Variants in EPB41L2 observed in about 807,000 individuals in gnomAD.
EPB41L2 encodes band 4.1-like protein 2.
Under a neutral mutation model 113.0 loss-of-function variants are expected in EPB41L2, and 43 were observed. The observed-to-expected ratio is 0.38, with a 90% confidence interval of 0.30 to 0.49. The LOEUF (loss-of-function observed/expected upper bound fraction) is 0.49. EPB41L2 is among the 20% of genes least tolerant of loss of function. The pLI is 0.95. For missense variants in EPB41L2, 1,147 were observed against 1,223.4 expected (o/e 0.94, Z 0.93); for synonymous variants, 442 against 436.7 (o/e 1.01, Z -0.15).
At chr6:130,932,961 T>C (rs1393722069) in intron 3 of EPB41L2, among the ~76,000 whole-genome samples, 1 of 152,236 alleles carries the variant, frequency 6.6e-6, no homozygotes, top group African/African-American at 2.4e-5. Context: ...CACTGCCAAC[T>C]AGTTTCTGGG....
intron 4 of EPB41L2, among the ~76,000 whole-genome samples, chr6:130,913,177 A>C (rs929160605): frequency 6.6e-6 from 1 of 152,242 alleles, no homozygotes; most frequent in African/African-American, 2.4e-5. Context: ...GGTAAGAGTC[A>C]GCTCTATAAA....
chr6:130,862,030 G>A (rs1292342064), intron 18 of EPB41L2, among the ~76,000 whole-genome samples: 4 of 152,156 alleles, frequency 2.6e-5, no homozygotes, highest in African/African-American at 9.7e-5. Flanking sequence ...CAGCAGTTAA[G>A]GCTGCTGGGT....
At chr6:130,874,869 T>A (rs932054853) in intron 14 of EPB41L2, among the ~76,000 whole-genome samples, 1 of 152,220 alleles carries the variant, frequency 6.6e-6, no homozygotes, top group African/African-American at 2.4e-5. Flanking sequence ...CAAAGTTTCC[T>A]ACTGCAAAAA....
At chr6:130,951,115 G>A (rs1447657501) in intron 3 of EPB41L2, among the ~76,000 whole-genome samples, 4 of 151,700 alleles carry the variant, frequency 2.6e-5, no homozygotes, top group Admixed American at 2.6e-4. Context: ...AAATTAGCCA[G>A]GCATGGTGGC....
rs141119547 is a variant in EPB41L2, at chr6:131,025,984, C to G, written c.-15+37171G>C. ...AAAGTCACCTAAAAAAAATACCAAA[C>G]AGCCCCCAGGTCACTGAGGCTAAAG... On this transcript the variant is annotated intron_variant, in intron 1 of 19. Coordinates refer to ENST00000337057, the MANE Select transcript of EPB41L2 (RefSeq NM_001431.4). 8.8e-3 allele frequency among the ~76,000 whole-genome samples: 1,337 copies of G among 152,246 alleles called. 16 individuals carry two copies. Among genetic ancestry groups the G allele is most frequent in the African/African-American group, 0.03 (1,262 of 41,544 alleles).
chr6:131,061,264 A>C lies in EPB41L2; in HGVS notation c.-15+1891T>G, dbSNP rs113191700. On this transcript the variant is annotated intron_variant, in intron 1 of 19. Transcript: ENST00000337057. The stretch of plus-strand genomic sequence containing the variant: ...AAGACCACTACTGACTTCAGTGGGA[A>C]TTCTGCCCAAGAAGTGAGGAAGACA... 7.4e-3 allele frequency among the ~76,000 whole-genome samples: 1,124 copies of C among 152,358 alleles called. 7 individuals carry two copies. The highest frequency in any genetic ancestry group is 0.011 in the Non-Finnish European group (718 of 68,038).
chr6:130,886,621 T>TTTG (rs57191069), intron 11 of EPB41L2, among the ~76,000 whole-genome samples: 16,551 of 136,176 alleles, frequency 0.12, 2,165 homozygotes, highest in African/African-American at 0.32. Context: ...TCCAGCGGTT[T>TTTG]TTGTTGTTGT....
At chr6:130,993,300 G>A (rs559024486) in intron 1 of EPB41L2, among the ~76,000 whole-genome samples, 17 of 152,250 alleles carry the variant, frequency 1.1e-4, no homozygotes, top group African/African-American at 3.6e-4. Flanking sequence ...AGAGAAATAT[G>A]AAATGAGGCT....
intron 1 of EPB41L2, among the ~76,000 whole-genome samples, chr6:131,021,949 C>T (rs868064101): frequency 3.3e-5 from 5 of 151,954 alleles, no homozygotes; most frequent in Non-Finnish European, 7.4e-5. Flanking sequence ...AGACCAGGGC[C>T]GGGGGATGGT....
intron 11 of EPB41L2, 135 bp downstream of exon 11, chr6:130,890,159 A>G: frequency 1.2e-6 from 1 of 859,480 alleles, no homozygotes; most frequent in Non-Finnish European, 1.7e-6. Flanking sequence ...AAGTAATAGC[A>G]TTTTATTTAC....
intron 1 of EPB41L2, among the ~76,000 whole-genome samples, chr6:131,027,581 C>T (rs1456498893): frequency 2.6e-5 from 4 of 152,212 alleles, no homozygotes; most frequent in Non-Finnish European, 4.4e-5. Flanking sequence ...ATGCTTAATG[C>T]AGCCAATGAT....
At chr6:130,898,520 G>C (rs778209852) in intron 8 of EPB41L2, among the ~76,000 whole-genome samples, 8 of 151,946 alleles carry the variant, frequency 5.3e-5, no homozygotes, top group Admixed American at 2.0e-4. Context: ...CATTCTCCTC[G>C]ACTCTCCCCA....
intron 19 of EPB41L2, among the ~76,000 whole-genome samples, chr6:130,850,645 T>G (rs891918340): frequency 1.3e-5 from 2 of 152,210 alleles, no homozygotes; most frequent in African/African-American, 4.8e-5. Context: ...ATGGGACTTA[T>G]GGGTCACTGA....
intron 1 of EPB41L2, among the ~76,000 whole-genome samples, chr6:130,990,089 G>GGCA (rs1455437661): frequency 6.6e-6 from 1 of 152,192 alleles, no homozygotes; most frequent in African/African-American, 2.4e-5. Flanking sequence ...GGGAGGCCAA[G>GGCA]GCAGGTGGAT....
intron 4 of EPB41L2, among the ~76,000 whole-genome samples, chr6:130,909,331 C>T (rs1401373741): frequency 6.6e-6 from 1 of 150,686 alleles, no homozygotes; most frequent in Non-Finnish European, 1.5e-5. Context: ...CTAAAACGAA[C>T]TACTCCTCCT....
At chr6:130,967,381 G>A (rs557071915) in intron 1 of EPB41L2, among the ~76,000 whole-genome samples, 47 of 152,198 alleles carry the variant, frequency 3.1e-4, no homozygotes, top group Admixed American at 1.2e-3. Flanking sequence ...CTGAGAAAAC[G>A]TTGCTTGTTT....
intron 8 of EPB41L2, among the ~76,000 whole-genome samples, chr6:130,899,225 A>G (rs1795573764): frequency 6.6e-6 from 1 of 152,106 alleles, no homozygotes; most frequent in East Asian, 1.9e-4. Context: ...TGAAAAAAAA[A>G]AGGCTGACAA....
intron 4 of EPB41L2, among the ~76,000 whole-genome samples, chr6:130,913,309 A>G (rs1354487983): frequency 6.6e-6 from 1 of 152,180 alleles, no homozygotes; most frequent in East Asian, 1.9e-4. Context: ...TCAACCATCC[A>G]AAGACTAAGT....
chr6:130,843,397 A>T (rs1201000038), intron 19 of EPB41L2, among the ~76,000 whole-genome samples: 1 of 152,234 alleles, frequency 6.6e-6, no homozygotes, highest in Admixed American at 6.5e-5. Flanking sequence ...CTCTTCATGT[A>T]AAAGCTGTAA....
Sources: gnomAD v4.1 joint callset for allele counts (sites outside exome capture counted in the v4.1 genomes callset) on GRCh38, gnomAD v4.1.1 for gene constraint, MANE v1.5 for transcripts, NCBI Gene and HGNC (gene_info 2026-07-23, HGNC 2026-07-21) for gene names.